CELF2: variants seen among roughly 807,000 people sequenced by gnomAD.
The protein encoded by CELF2 is CUG triplet repeat RNA-binding protein 2.
A neutral mutation model predicts 62.6 loss-of-function variants in CELF2; 8 were observed. The observed-to-expected ratio is 0.13, with a 90% CI of 0.07 to 0.23. The LOEUF (loss-of-function observed/expected upper bound fraction) is 0.23. CELF2 is among the 10% of genes least tolerant of loss of function. CELF2 has a pLI of 1.00. For missense variants in CELF2, 333 were observed against 671.0 expected, an observed-to-expected ratio of 0.50 and a Z score of 5.56; for synonymous variants, 258 against 250.0, an observed-to-expected ratio of 1.03 and a Z score of -0.30.
chr10:10,955,066 A>T (rs181401400), intron 2 of CELF2, among the ~76,000 whole-genome samples: 2 of 152,338 alleles, frequency 1.3e-5, no homozygotes, highest in East Asian at 3.9e-4. Flanking sequence ...TGTATTTTTT[A>T]AAGTATAATT....
the CELF2 span, among the ~76,000 whole-genome samples, chr10:10,783,091 G>T: frequency 1.8e-4 from 28 of 152,164 alleles, no homozygotes; most frequent in Non-Finnish European, 3.7e-4. Context: ...TTCCTCTTGT[G>T]AAGGGTTTTC....
the CELF2 span, among the ~76,000 whole-genome samples, chr10:10,770,631 A>C: frequency 6.6e-6 from 1 of 152,094 alleles, no homozygotes; most frequent in Non-Finnish European, 1.5e-5. Flanking sequence ...TCTTAACTGC[A>C]CAGAGCCCCC....
chr10:10,984,423 A>G (rs909483524), intron 2 of CELF2, among the ~76,000 whole-genome samples: 2 of 152,250 alleles, frequency 1.3e-5, no homozygotes, highest in Non-Finnish European at 2.9e-5. Flanking sequence ...AGCTAGATGG[A>G]TAATTGTACA....
the CELF2 span, among the ~76,000 whole-genome samples, chr10:10,577,991 TC>T: frequency 6.6e-6 from 1 of 152,204 alleles, no homozygotes; most frequent in East Asian, 1.9e-4. Flanking sequence ...GTAAAAGTGT[TC>T]CTGTTTCTCC....
intron 1 of CELF2, among the ~76,000 whole-genome samples, chr10:11,052,643 AC>A (rs1226605127): frequency 6.6e-6 from 1 of 152,260 alleles, no homozygotes; most frequent in Non-Finnish European, 1.5e-5. Context: ...TTTAGTTGGC[AC>A]TTCTGCCGAT....
the CELF2 span, among the ~76,000 whole-genome samples, chr10:10,690,189 C>A: frequency 6.6e-6 from 1 of 152,130 alleles, no homozygotes; most frequent in Admixed American, 6.5e-5. Context: ...GATTTTCTAC[C>A]TCACCTTAGA....
At chr10:10,946,152 C>T (rs1207625342) in intron 2 of CELF2, 2 of 152,634 alleles carry the variant, frequency 1.3e-5, no homozygotes, top group Non-Finnish European at 2.9e-5. Flanking sequence ...GCCATCCTGG[C>T]TCTGTCATTA....
rs2061266126 is a variant in CELF2 at position 10,878,751 on chromosome 10, T to G, written c.54-41213T>G. On this transcript the variant is annotated intron_variant, in intron 1 of 13. Coordinates refer to the CELF2 transcript ENST00000636488. ...AATTCAAATTGAGATCACATAATTG[T>G]TTACGACGAAAACATGATTTTCTTT... is the stretch of plus-strand genomic sequence containing the variant. Among the ~76,000 whole-genome samples the G allele has an allele frequency of 2.0e-5, 3 of 152,058 alleles. No homozygotes were observed. The South Asian group carries it at 6.2e-4, about 32-fold the overall frequency.
chr10:10,962,633 G>A (rs974038477), intron 2 of CELF2, among the ~76,000 whole-genome samples: 2 of 152,216 alleles, frequency 1.3e-5, no homozygotes, highest in Admixed American at 6.5e-5. Flanking sequence ...GCTGAGGCGG[G>A]AAGTTGGTGT....
At chr10:10,587,527 T>C in the CELF2 span, among the ~76,000 whole-genome samples, 5 of 152,162 alleles carry the variant, frequency 3.3e-5, no homozygotes, top group Non-Finnish European at 7.3e-5. Context: ...AAAATAAACA[T>C]CTTTCACATA....
chr10:11,304,182 C>T (rs553726962), intron 9 of CELF2, among the ~76,000 whole-genome samples: 6 of 152,266 alleles, frequency 3.9e-5, no homozygotes, highest in Admixed American at 1.3e-4. Flanking sequence ...TGGAGGCTCT[C>T]GGGGTAAATC....
Position 11,335,994 on chromosome 10 carries a change from G to A in CELF2, c.*6941G>A, listed in dbSNP as rs113726694. The A allele has an allele frequency of 6.6e-6, 1 of 152,356 alleles. No individual in the cohort carries two copies. The allele number at this position is 152,356 out of a possible 1,614,324, so 9.4% of individuals were successfully genotyped here. A position where few individuals can be genotyped will look rare whatever the true frequency, so the allele number is the denominator to read the frequency against. ...AAATTCATACCCATAGTTTTGAGTC[G>A]GTATGACACCACTGCAGTGTGAGCA... On this transcript the variant is annotated 3_prime_UTR_variant, in exon 13 of 13. Transcript: ENST00000633077. This position sits in a 1 kb window ranked among gnomAD's most constrained non-coding sequence, Gnocchi z 5.0.
chr10:11,222,490 G>C (rs560384373), intron 3 of CELF2, among the ~76,000 whole-genome samples: 1 of 152,206 alleles, frequency 6.6e-6, no homozygotes, highest in Non-Finnish European at 1.5e-5. Context: ...CGAAACATCT[G>C]TATGAACAGG....
chr10:11,166,189 A>G (rs1398213478), intron 2 of CELF2, among the ~76,000 whole-genome samples: 2 of 152,222 alleles, frequency 1.3e-5, no homozygotes, highest in Non-Finnish European at 2.9e-5. Context: ...CCCCTGAAGA[A>G]GGGACACCCA....
chr10:10,608,636 A>T, the CELF2 span, among the ~76,000 whole-genome samples: 1 of 152,170 alleles, frequency 6.6e-6, no homozygotes, highest in Non-Finnish European at 1.5e-5. Flanking sequence ...AAAGCAAATG[A>T]GGCCTGACCT....
At chr10:11,240,982 G>A (rs569803172) in intron 3 of CELF2, among the ~76,000 whole-genome samples, 23 of 152,026 alleles carry the variant, frequency 1.5e-4, no homozygotes, top group Admixed American at 3.3e-4. Context: ...TGTCTGACTC[G>A]GCCAAGTTAT....
At chr10:10,516,891 C>T in the CELF2 span, among the ~76,000 whole-genome samples, 1 of 152,036 alleles carries the variant, frequency 6.6e-6, no homozygotes, top group Non-Finnish European at 1.5e-5. Context: ...GTCTTCATTC[C>T]CCATGGACAA....
chr10:10,898,389 G>T (rs1327816200), intron 1 of CELF2, among the ~76,000 whole-genome samples: 1 of 152,186 alleles, frequency 6.6e-6, no homozygotes, highest in Non-Finnish European at 1.5e-5. Context: ...AATTTCTATT[G>T]CTTGTGCCAC....
chr10:10,981,894 A>G (rs1288874605), intron 2 of CELF2, among the ~76,000 whole-genome samples: 9 of 150,994 alleles, frequency 6.0e-5, no homozygotes, highest in Admixed American at 3.3e-4. Flanking sequence ...GGTCTGTCCA[A>G]TTTCCAAGCC....
Sources: gnomAD v4.1 joint callset for allele counts (sites outside exome capture counted in the v4.1 genomes callset) on GRCh38, gnomAD v4.1.1 for gene constraint, Gnocchi (gnomAD v3.1) non-coding constraint, MANE v1.5 for transcripts, NCBI Gene and HGNC (gene_info 2026-07-23, HGNC 2026-07-21) for gene names.